CPNE8: variants seen among roughly 807,000 people sequenced by gnomAD.
CPNE8 encodes the protein copine 8.
Under a neutral mutation model 81.5 loss-of-function variants are expected in CPNE8, and 45 were observed. The ratio of observed to expected loss-of-function variants is 0.55; its 90% confidence interval spans 0.44 to 0.71. The LOEUF (loss-of-function observed/expected upper bound fraction) is 0.71, where lower values mean the gene tolerates loss of function less well. Ranked by LOEUF, CPNE8 falls within the 30% of genes least tolerant of loss-of-function variation. The pLI, the probability that CPNE8 is intolerant of heterozygous loss-of-function variation, is 0.00. For synonymous variants in CPNE8, 252 were observed against 226.3 expected (o/e 1.11, Z -1.02); for missense variants, 594 against 672.1 (o/e 0.88, Z 1.28).
At chr12:38,701,880 C>T (rs1156329497) in intron 14 of CPNE8, among the ~76,000 whole-genome samples, 7 of 152,110 alleles carry the variant, frequency 4.6e-5, no homozygotes, top group East Asian at 1.9e-4. Context: ...GCAGAAAGAA[C>T]GTGACATGCA....
intron 10 of CPNE8, among the ~76,000 whole-genome samples, chr12:38,749,135 G>A (rs1306003795): frequency 6.6e-6 from 1 of 152,046 alleles, no homozygotes; most frequent in Non-Finnish European, 1.5e-5. Flanking sequence ...TCTTGTGATA[G>A]TGAATAAGTC....
intron 15 of CPNE8, among the ~76,000 whole-genome samples, chr12:38,688,949 C>T (rs983049100): frequency 6.6e-6 from 1 of 152,040 alleles, no homozygotes; most frequent in African/African-American, 2.4e-5. Context: ...TCCCCCAAAA[C>T]TAGTGAAATA....
At chr12:38,867,153 C>A (rs534812658) in intron 3 of CPNE8, among the ~76,000 whole-genome samples, 2 of 152,274 alleles carry the variant, frequency 1.3e-5, no homozygotes, top group East Asian at 1.9e-4. Flanking sequence ...GCCACTGCAC[C>A]TGGCCCTGAA....
chr12:38,742,744 C>T (rs1941139732), intron 10 of CPNE8, among the ~76,000 whole-genome samples: 2 of 150,674 alleles, frequency 1.3e-5, no homozygotes. Flanking sequence ...AATGGCACAT[C>T]AGAAATTTCT....
chr12:38,820,277 C>T (rs911447435), intron 6 of CPNE8, among the ~76,000 whole-genome samples: 1 of 151,762 alleles, frequency 6.6e-6, no homozygotes, highest in Non-Finnish European at 1.5e-5. Context: ...TGGTGATGTG[C>T]ACCTATAATC....
In CPNE8 at chr12:38,717,427, GTGTATA is replaced by G. The variant is rs1174553417; in HGVS notation, c.914+6339_914+6344del. On this transcript the variant is annotated intron_variant, in intron 13 of 19. Coordinates refer to ENST00000331366, the MANE Select transcript of CPNE8 (RefSeq NM_153634.3). ...CCAACAAGTAAACAAAGAAAGTGTG[GTGTATA>G]TATATATATATATATATATATATAT... 1.4e-3 allele frequency among the ~76,000 whole-genome samples: 96 copies of G among 69,708 alleles called. 7 individuals carry two copies. The highest frequency in any genetic ancestry group is 5.7e-3 in the Admixed American group (28 of 4,944). 45.7% of individuals were successfully genotyped at this position (69,708 alleles called of 152,430 possible).
chr12:38,906,358 A>G (rs1944571591), upstream of CPNE8: 1 of 985,430 alleles, frequency 1.0e-6, no homozygotes, highest in African/African-American at 1.7e-5. Flanking sequence ...AAGGTGGAAA[A>G]AACAATACTA....
At chr12:38,698,378 C>T (rs1939848857) in intron 14 of CPNE8, among the ~76,000 whole-genome samples, 3 of 152,082 alleles carry the variant, frequency 2.0e-5, no homozygotes, top group South Asian at 2.1e-4. Context: ...CTTGATAGTG[C>T]CCTTCAAAGC....
chr12:38,702,917 G>C lies in CPNE8; in HGVS notation c.919C>G (p.Gln307Glu), dbSNP rs1038168295. The C allele has an allele frequency of 1.9e-6, 3 of 1,581,114 alleles. No individual in the cohort carries two copies. Among genetic ancestry groups the C allele is most frequent in the Admixed American group, 1.8e-5 (1 of 56,770 alleles). Reference protein sequence around the residue: ...SFLDYIKGGTQINFTVAIDFT... With the variant: ...SFLDYIKGGTEINFTVAIDFT... ...TCAATAGCCACTGTGAAATTGATTT[G>C]CGTCCTGGAATAGAAGTAAACAAGA... Residue 307 changes from glutamine to glutamate, a missense_variant, in exon 14 of 20, where the codon CAA becomes GAA. By Grantham distance (29) the Gln-to-Glu change is conservative. Transcript: ENST00000331366.
intron 6 of CPNE8, among the ~76,000 whole-genome samples, chr12:38,777,866 G>A (rs1028877584): frequency 2.0e-5 from 3 of 152,100 alleles, no homozygotes; most frequent in Non-Finnish European, 2.9e-5. Flanking sequence ...GCTCCCCATC[G>A]CTGGCATTAC....
chr12:38,708,337 C>T (rs1940164739), intron 13 of CPNE8, among the ~76,000 whole-genome samples: 2 of 150,652 alleles, frequency 1.3e-5, no homozygotes, highest in Non-Finnish European at 3.0e-5. Flanking sequence ...TTGCTTGAAG[C>T]CTAATGTTAG....
At chr12:38,847,339 T>G (rs1198958618) in intron 4 of CPNE8, among the ~76,000 whole-genome samples, 2 of 152,096 alleles carry the variant, frequency 1.3e-5, no homozygotes, top group Non-Finnish European at 2.9e-5. Context: ...CCCATGCTGG[T>G]GTAAAAGAAA....
intron 8 of CPNE8, among the ~76,000 whole-genome samples, chr12:38,763,473 T>C (rs1038595744): frequency 6.6e-6 from 1 of 152,220 alleles, no homozygotes; most frequent in African/African-American, 2.4e-5. Context: ...TAACATCACG[T>C]CATGAATCTA....
intron 6 of CPNE8, among the ~76,000 whole-genome samples, chr12:38,779,665 C>T (rs532117688): frequency 2.0e-5 from 3 of 151,920 alleles, no homozygotes; most frequent in Non-Finnish European, 4.4e-5. Flanking sequence ...GAAAAGTTTC[C>T]CTTCAAATTA....
intron 1 of CPNE8, among the ~76,000 whole-genome samples, chr12:38,885,257 A>G (rs1333151329): frequency 6.6e-6 from 1 of 152,206 alleles, no homozygotes; most frequent in Non-Finnish European, 1.5e-5. Context: ...ATAAATATAC[A>G]AAGCATTCTC....
At chr12:38,851,752 A>T (rs561441660) in intron 3 of CPNE8, among the ~76,000 whole-genome samples, 3 of 152,314 alleles carry the variant, frequency 2.0e-5, no homozygotes, top group South Asian at 2.1e-4. Flanking sequence ...CCAGCCAAAA[A>T]ATTTTAATGG....
chr12:38,836,265 G>A (rs1943379449), intron 5 of CPNE8, among the ~76,000 whole-genome samples: 1 of 152,092 alleles, frequency 6.6e-6, no homozygotes, highest in African/African-American at 2.4e-5. Flanking sequence ...TAAAAAAGAT[G>A]TCCCTAGATT....
intron 1 of CPNE8, among the ~76,000 whole-genome samples, chr12:38,878,633 G>T (rs1944101562): frequency 6.6e-6 from 1 of 152,112 alleles, no homozygotes; most frequent in African/African-American, 2.4e-5. Context: ...TATCACAGTT[G>T]TCTTTACTGT....
chr12:38,862,056 C>T (rs1434368342), intron 3 of CPNE8, among the ~76,000 whole-genome samples: 3 of 152,006 alleles, frequency 2.0e-5, no homozygotes, highest in Non-Finnish European at 4.4e-5. Context: ...ACATAATTTG[C>T]TTTCCAATGA....
Sources: allele counts gnomAD v4.1 joint callset (sites outside exome capture counted in the v4.1 genomes callset), GRCh38; gene constraint gnomAD v4.1.1; transcripts MANE v1.5; gene names NCBI Gene and HGNC (gene_info 2026-07-23, HGNC 2026-07-21).